The following USP5 variants were observed in gnomAD, a reference collection of about 807,000 sequenced individuals.
USP5 encodes the protein ubiquitin specific peptidase 5, also known as ubiquitin carboxyl-terminal hydrolase 5.
Under a neutral mutation model 102.5 loss-of-function variants are expected in USP5, and 24 were observed. That is an observed-to-expected ratio of 0.23 (90% confidence interval 0.17 to 0.33). USP5 has a LOEUF of 0.33. Among genes scored for constraint, USP5 ranks in the 10% least tolerant of loss-of-function variants. USP5 has a pLI of 1.00. For missense variants in USP5, 753 were observed against 1,122.1 expected, an observed-to-expected ratio of 0.67 and a Z score of 4.70; for synonymous variants, 460 against 434.8, an observed-to-expected ratio of 1.06 and a Z score of -0.72.
rs1479855481 is a variant in USP5, at chr12:6,858,053, C to T, written c.864+330C>T. 2.0e-5 allele frequency among the ~76,000 whole-genome samples: 3 copies of T among 152,048 alleles called. No individual in the cohort carries two copies. Among genetic ancestry groups the T allele is most frequent in the African/African-American group, 7.2e-5 (3 of 41,394 alleles). ...CACTGTGAAAGAGAGGCGGAGGGTA[C>T]TACAGTAATTGACAGCAGGGTGGCC... On this transcript the variant is annotated intron_variant, in intron 7 of 19. Coordinates refer to ENST00000229268, the MANE Select transcript of USP5 (RefSeq NM_001098536.2). This position sits in a 1 kb window ranked among gnomAD's most constrained non-coding sequence, Gnocchi z 4.2.
At chr12:6,857,358 T>A in intron 6 of USP5, 1 of 423,164 alleles carries the variant, frequency 2.4e-6, no homozygotes, top group African/African-American at 2.0e-5. Flanking sequence ...CTCATCCCTT[T>A]CCTACCAAGC....
At chr12:6,865,927 G>C in intron 19 of USP5, 57 bp from the exon 20 acceptor site, 1 of 1,483,074 alleles carries the variant, frequency 6.7e-7, no homozygotes, top group Non-Finnish European at 9.4e-7. Context: ...GAGACTACAT[G>C]ATGCCACTTT....
rs1944177676 is a variant in USP5, at chr12:6,858,287, A to G, written c.865-137A>G. 3 of 863,746 alleles carry G rather than the reference A, an allele frequency of 3.5e-6. No homozygotes were observed. The highest frequency in any genetic ancestry group is 2.6e-5 in the Admixed American group (1 of 39,102). The allele number at this position is 863,746 out of a possible 1,614,324, so 53.5% of individuals were successfully genotyped here. The stretch of plus-strand genomic sequence containing the variant: ...GAACTTGAACTGGACGATACTCAAC[A>G]TACCTCCCATGTTTGAGCCTGTAAT... On this transcript the variant is annotated intron_variant, in intron 7 of 19. Transcript: ENST00000229268. The surrounding 1 kb of genome is among the most constrained non-coding windows in gnomAD (Gnocchi z 4.2).
Position 6,855,568 on chromosome 12 carries a change from TC to T in USP5, c.237+44del. 4 of 1,609,488 alleles carry T rather than the reference TC, an allele frequency of 2.5e-6. No individual in the cohort carries two copies. Among genetic ancestry groups the T allele is most frequent in the Non-Finnish European group, 3.4e-6 (4 of 1,178,300 alleles). On this transcript the variant is annotated intron_variant, in intron 2 of 19. Coordinates refer to ENST00000229268, the MANE Select transcript of USP5 (RefSeq NM_001098536.2). The surrounding 1 kb of genome is among the most constrained non-coding windows in gnomAD (Gnocchi z 4.6). ...GGCAAGGCCTGGGTACATTGTCTGT[TC>T]CATTCTGACCTCCTATTGGACTCAG...
Position 6,866,111 on chromosome 12 carries a change from G to A in USP5, c.*34G>A, listed in dbSNP as rs782182078. The A allele has an allele frequency of 2.7e-5, 43 of 1,589,522 alleles. No homozygotes were observed. The highest frequency in any genetic ancestry group is 3.5e-5 in the Non-Finnish European group (40 of 1,157,958). The stretch of plus-strand genomic sequence containing the variant: ...CTCACCCCTTACCAATGAGGGCAGG[G>A]GAAGACCACCTGGCATGAGGGAGAG... On this transcript the variant is annotated 3_prime_UTR_variant, in exon 20 of 20. Coordinates refer to ENST00000229268, the MANE Select transcript of USP5 (RefSeq NM_001098536.2). This position sits in a 1 kb window ranked among gnomAD's most constrained non-coding sequence, Gnocchi z 4.7.
At position 6,864,586 on chromosome 12, in the gene USP5, G is replaced by A; in HGVS notation, c.2245-136G>A. 1.0e-6 allele frequency: 1 copy of A among 972,448 alleles called. No individual in the cohort carries two copies. The highest frequency in any genetic ancestry group is 1.6e-5 in the South Asian group (1 of 61,956). The allele number at this position is 972,448 out of a possible 1,614,324, so 60.2% of individuals were successfully genotyped here. A position where few individuals can be genotyped will look rare whatever the true frequency, so the allele number is the denominator to read the frequency against. On this transcript the variant is annotated intron_variant, in intron 17 of 19. Transcript: ENST00000229268. This position sits in a 1 kb window ranked among gnomAD's most constrained non-coding sequence, Gnocchi z 4.8. ...CGTCTGTAGTCCCAGCTACTTGGGA[G>A]GCTGAGGCAGGAGAAAGGCGTGAAC...
At position 6,863,278 on chromosome 12, in the gene USP5, C is replaced by G; in HGVS notation, c.1855C>G (p.Pro619Ala). The G allele has an allele frequency of 6.2e-7, 1 of 1,614,170 alleles. No individual in the cohort carries two copies. Among genetic ancestry groups the G allele is most frequent in the Non-Finnish European group, 8.5e-7 (1 of 1,180,030 alleles). ...PGEEELPDIA[P>A]PLVTPDEPKG... ...AGAGGAGGAGCTGCCAGACATTGCCCCACCCCTGGTCACTCCGGATGAGCC... is the reference window on the plus strand; with the variant it reads ...AGAGGAGGAGCTGCCAGACATTGCCGCACCCCTGGTCACTCCGGATGAGCC... The change falls in exon 15 of 20, where the codon CCA becomes GCA. Residue 619 changes from proline (P) to alanine (A), a missense_variant. Pro to Ala is a conservative substitution (Grantham distance 27). Transcript: ENST00000229268. This position sits in a 1 kb window ranked among gnomAD's most constrained non-coding sequence, Gnocchi z 4.7.
Position 6,856,016 on chromosome 12 carries a change from G to A in USP5, c.305-1G>A, listed in dbSNP as rs1555128140. The A allele has an allele frequency of 6.2e-7, 1 of 1,614,170 alleles. No individual in the cohort carries two copies. The highest frequency in any genetic ancestry group is 8.5e-7 in the Non-Finnish European group (1 of 1,180,034). ...CTCCCTCTTCTTCCCTATCCTTCCA[G>A]GTGTTGAAGGCGGATTTGACCTTAG... On this transcript the variant is annotated splice_acceptor_variant, in intron 3 of 19. Coordinates refer to ENST00000229268, the MANE Select transcript of USP5 (RefSeq NM_001098536.2). LOFTEE classifies it high-confidence loss of function. This position sits in a 1 kb window ranked among gnomAD's most constrained non-coding sequence, Gnocchi z 5.6.
chr12:6,857,324 T>G (rs1304856662), intron 6 of USP5: 1 of 357,382 alleles, frequency 2.8e-6, no homozygotes, highest in Non-Finnish European at 5.1e-6. Context: ...GAGACTAAAT[T>G]TTTGATTACT....
Position 6,860,075 on chromosome 12 carries a change from G to T in USP5, c.1131-76G>T. ...TTGAGAGTTAGCTAGGGAGAGCCAC[G>T]AGCAGGGGGTTGAGCTGGGGACACA... On this transcript the variant is annotated intron_variant, in intron 9 of 19. Coordinates refer to ENST00000229268, the MANE Select transcript of USP5 (RefSeq NM_001098536.2). The surrounding 1 kb of genome is among the most constrained non-coding windows in gnomAD (Gnocchi z 5.5). 1 of 1,527,276 alleles carries T rather than the reference G, an allele frequency of 6.5e-7. No homozygotes were observed. The highest frequency in any genetic ancestry group is 1.2e-5 in the South Asian group (1 of 84,888). 94.6% of individuals were successfully genotyped at this position (1,527,276 alleles called of 1,614,324 possible).
intron 19 of USP5, 57 bp downstream of exon 19, chr12:6,865,305 C>A: frequency 6.7e-7 from 1 of 1,495,690 alleles, no homozygotes; most frequent in Non-Finnish European, 9.3e-7. Context: ...TGAGGAGGGC[C>A]ATTTGGAAGT....
Position 6,860,391 on chromosome 12 carries a change from G to A in USP5, c.1244G>A (p.Arg415Gln), listed in dbSNP as rs782468411. 6.8e-6 allele frequency: 11 copies of A among 1,614,026 alleles called. No individual in the cohort carries two copies. In the South Asian group the frequency reaches 8.8e-5, roughly 13 times the overall value. ...QKEVQDGIAP[R>Q]MFKALIGKGH... ...GAAGTTCAAGATGGCATTGCCCCTCGGATGTTCAAGGCCCTCATCGGCAAG... is the reference window on the plus strand; with the variant it reads ...GAAGTTCAAGATGGCATTGCCCCTCAGATGTTCAAGGCCCTCATCGGCAAG... The change falls in exon 11 of 20, where the codon CGG becomes CAG. Residue 415 changes from arginine (R) to glutamine (Q), a missense_variant. By Grantham distance (43) the Arg-to-Gln change is conservative. Around this residue, in one of 3 missense-constraint regions of USP5, gnomAD observed 527 missense variants for 816.5 expected, o/e 0.65. Transcript: ENST00000229268. The surrounding 1 kb of genome is among the most constrained non-coding windows in gnomAD (Gnocchi z 5.5).
chr12:6,865,112 C>G (rs1555130511), intron 18 of USP5, 52 bp from the exon 19 acceptor site: 2 of 1,514,080 alleles, frequency 1.3e-6, no homozygotes, highest in East Asian at 4.5e-5. Context: ...TGGGCCATCA[C>G]TCAAGCATTC....
In USP5 at chr12:6,863,286, G is replaced by A. The variant is rs1555129950; in HGVS notation, c.1863G>A (p.Leu621=). The A allele has an allele frequency of 6.2e-7, 1 of 1,614,054 alleles. No individual in the cohort carries two copies. Among genetic ancestry groups the A allele is most frequent in the African/African-American group, 1.3e-5 (1 of 74,922 alleles). Residue 621 remains leucine, a synonymous_variant, in exon 15 of 20, where the codon CTG becomes CTA. Coordinates refer to ENST00000229268, the MANE Select transcript of USP5 (RefSeq NM_001098536.2). The surrounding 1 kb of genome is among the most constrained non-coding windows in gnomAD (Gnocchi z 4.7). ...EEELPDIAPP[L]VTPDEPKGSL... The stretch of plus-strand genomic sequence containing the variant: ...AGCTGCCAGACATTGCCCCACCCCT[G>A]GTCACTCCGGATGAGCCCAAAGGTA...
Position 6,859,486 on chromosome 12 carries a change from G to A in USP5, c.1075G>A (p.Glu359Lys), listed in dbSNP as rs1944211592. Residue 359 changes from glutamate (E) to lysine (K), a missense_variant, in exon 9 of 20, where the codon GAG (glutamate) becomes AAG (lysine). Coordinates refer to ENST00000229268, the MANE Select transcript of USP5 (RefSeq NM_001098536.2). ...GACTTTTAGGTATGTGGATAAGCTG[G>A]AGAAGATCTTCCAGAATGCCCCGAC... ...DFQRKYVDKL[E>K]KIFQNAPTDP... 3 of 1,614,132 alleles carry A rather than the reference G, an allele frequency of 1.9e-6. No individual in the cohort carries two copies. Among genetic ancestry groups the A allele is most frequent in the East Asian group, 4.5e-5 (2 of 44,874 alleles).
intron 7 of USP5, 52 bp downstream of exon 7, chr12:6,857,775 C>G (rs1944163051): frequency 1.3e-6 from 2 of 1,576,774 alleles, no homozygotes; most frequent in Non-Finnish European, 1.7e-6. Context: ...CTGTGAGGGC[C>G]CTTCCTCTTT....
rs782302639 is a variant in USP5, at chr12:6,855,995, CT to C, written c.305-21del. The C allele has an allele frequency of 6.2e-6, 10 of 1,614,034 alleles. No individual in the cohort carries two copies. The South Asian group carries it at 1.1e-4, about 18-fold the overall frequency. On this transcript the variant is annotated intron_variant, in intron 3 of 19. Coordinates refer to ENST00000229268, the MANE Select transcript of USP5 (RefSeq NM_001098536.2). The surrounding 1 kb of genome is among the most constrained non-coding windows in gnomAD (Gnocchi z 4.6). ...ACCTGTTGTCATTGCTCTACTCTCC[CT>C]CTTCTTCCCTATCCTTCCAGGTGTT...
At chr12:6,859,420 C>T (rs1555129001) in intron 8 of USP5, 50 bp from the exon 9 acceptor site, 5 of 1,588,524 alleles carry the variant, frequency 3.1e-6, no homozygotes, top group Non-Finnish European at 4.3e-6. Context: ...TTCCCTTTTC[C>T]TCGGCGCTCA....
At chr12:6,862,662 A>G in intron 14 of USP5, 104 bp downstream of exon 14, 1 of 1,048,532 alleles carries the variant, frequency 9.5e-7, no homozygotes. Flanking sequence ...TGAAAGAGGA[A>G]AAAAAATCAC....
Sources: allele counts gnomAD v4.1 joint callset (sites outside exome capture counted in the v4.1 genomes callset), GRCh38; gene constraint gnomAD v4.1.1; regional missense constraint gnomAD v4.1.1; non-coding constraint Gnocchi (gnomAD v3.1); transcripts MANE v1.5; gene names NCBI Gene and HGNC (gene_info 2026-07-23, HGNC 2026-07-21).